The following CACNA1D variants were observed in gnomAD, a reference collection of about 807,000 sequenced individuals.
CACNA1D encodes the protein voltage-dependent L-type calcium channel subunit alpha-1D.
CACNA1D carries 55 observed loss-of-function variants against 257.1 expected under a neutral mutation model. That is an observed-to-expected ratio of 0.21 (90% CI 0.17 to 0.27). The LOEUF (loss-of-function observed/expected upper bound fraction) is 0.27, where lower values mean the gene tolerates loss of function less well. Ranked by LOEUF, CACNA1D falls within the 10% of genes least tolerant of loss-of-function variation. The probability of loss-of-function intolerance (pLI) is 1.00; values close to 1 mark genes in which losing one functional copy is unlikely to be tolerated. For synonymous variants in CACNA1D, 980 were observed against 1,014.9 expected (o/e 0.97, Z 0.65); for missense variants, 1,876 against 2,784.0 (o/e 0.67, Z 7.34).
chr3:53,761,939 C>A, intron 29 of CACNA1D, 59 bp from the exon 30 acceptor site: 1 of 1,207,206 alleles, frequency 8.3e-7, no homozygotes, highest in South Asian at 1.2e-5. Flanking sequence ...CCTATACGGT[C>A]CGTGTGGTGG....
intron 3 of CACNA1D, among the ~76,000 whole-genome samples, chr3:53,627,035 A>G (rs1409460587): frequency 1.3e-5 from 2 of 152,210 alleles, no homozygotes; most frequent in Non-Finnish European, 2.9e-5. Flanking sequence ...TTAACTGGGC[A>G]CAAGAGATGT....
At chr3:53,593,745 C>G (rs918194702) in intron 3 of CACNA1D, among the ~76,000 whole-genome samples, 1 of 152,138 alleles carries the variant, frequency 6.6e-6, no homozygotes, top group African/African-American at 2.4e-5. Flanking sequence ...GGGATTTTTT[C>G]CTTCTAAGCT....
Position 53,811,291 on chromosome 3 carries a change from A to G in CACNA1D, c.6371A>G (p.His2124Arg). Residue 2124 changes from histidine to arginine, a missense_variant, in exon 48 of 48, where the codon CAC becomes CGC. Transcript: ENST00000350061. This position sits in a 1 kb window ranked among gnomAD's most constrained non-coding sequence, Gnocchi z 4.2. ...AACGGGGATGTGGGCCCCCTCTCAC[A>G]CCGGCAGGACTATGAGCTACAGGAC... is the stretch of plus-strand genomic sequence containing the variant. ...RANGDVGPLS[H>R]RQDYELQDFG... is the part of the protein sequence containing the mutation. 1 of 1,613,724 alleles carries G rather than the reference A, an allele frequency of 6.2e-7. No homozygotes were observed. Among genetic ancestry groups the G allele is most frequent in the African/African-American group, 1.3e-5 (1 of 75,010 alleles).
intron 3 of CACNA1D, among the ~76,000 whole-genome samples, chr3:53,529,347 G>A (rs1000120247): frequency 2.0e-5 from 3 of 152,148 alleles, no homozygotes; most frequent in Non-Finnish European, 4.4e-5. Context: ...TTCCCAGGAC[G>A]CACCTCACTT....
At chr3:53,710,548 G>C (rs1303550548) in intron 9 of CACNA1D, 1 of 452,796 alleles carries the variant, frequency 2.2e-6, no homozygotes, top group Non-Finnish European at 4.5e-6. Flanking sequence ...CATAGGCATT[G>C]TGTGAAGTGC....
intron 7 of CACNA1D, among the ~76,000 whole-genome samples, chr3:53,669,607 T>C (rs1391850664): frequency 6.6e-6 from 1 of 152,200 alleles, no homozygotes; most frequent in African/African-American, 2.4e-5. Context: ...TTCTCACTAG[T>C]GTCTGGAAAA....
At chr3:53,503,399 A>G (rs1465309087) in intron 3 of CACNA1D, among the ~76,000 whole-genome samples, 1 of 152,252 alleles carries the variant, frequency 6.6e-6, no homozygotes, top group Non-Finnish European at 1.5e-5. Flanking sequence ...ATGGAGATAG[A>G]TCATCGTAGT....
chr3:53,518,151 G>T (rs2091417404), intron 3 of CACNA1D, among the ~76,000 whole-genome samples: 1 of 152,242 alleles, frequency 6.6e-6, no homozygotes, highest in Non-Finnish European at 1.5e-5. Context: ...AAGCTGGGGA[G>T]CTGGAATCAG....
Position 53,650,841 on chromosome 3 carries a change from G to C in CACNA1D, c.546G>C (p.Ala182=), listed in dbSNP as rs111366170. 2.2e-5 allele frequency: 36 copies of C among 1,609,382 alleles called. 2 individuals are homozygous for C. The African/African-American group carries it at 3.6e-4, about 16-fold the overall frequency. ...FTVETFLKII[A]YGLLLHPNAY... is the part of the protein sequence containing the mutation. The stretch of plus-strand genomic sequence containing the variant: ...TCGAGACATTTTTGAAGATTATAGC[G>C]TATGGATTATTGCTACATCCTAATG... The change falls in exon 4 of 48, where the codon GCG becomes GCC. Residue 182 remains alanine (A), a synonymous_variant. Transcript: ENST00000350061.
At position 53,718,883 on chromosome 3, in the gene CACNA1D, C is replaced by T. The variant is rs867257001; in HGVS notation, c.1478+495C>T. 28 of 735,254 alleles carry T rather than the reference C, an allele frequency of 3.8e-5. No individual in the cohort carries two copies. In the Middle Eastern group the frequency reaches 2.2e-3, roughly 58 times the overall value. 45.5% of individuals were successfully genotyped at this position (735,254 alleles called of 1,614,324 possible). Reference sequence around the variant, plus strand: ...GGGACCTTCCTAACCTCAGGCCTGGCGGTTGGATGACGAGGCCCTGCCTTC... The same window carrying T: ...GGGACCTTCCTAACCTCAGGCCTGGTGGTTGGATGACGAGGCCCTGCCTTC... On this transcript the variant is annotated intron_variant, in intron 10 of 47. Transcript: ENST00000350061.
rs17053164 is a variant in CACNA1D, at chr3:53,545,471, G to A, written c.483+43751G>A. Among the ~76,000 whole-genome samples the A allele has an allele frequency of 9.4e-3, 1,435 of 152,310 alleles. 80 individuals are homozygous for A. Among genetic ancestry groups the A allele is most frequent in the Admixed American group, 0.075 (1,150 of 15,302 alleles). The stretch of plus-strand genomic sequence containing the variant: ...TTGCCCTTGTCATGGAACTGAGCCC[G>A]AAGGAGGTTCTTAGAGGAGCGGGGT... On this transcript the variant is annotated intron_variant, in intron 3 of 47. Coordinates refer to ENST00000350061, the MANE Select transcript of CACNA1D (RefSeq NM_001128840.3).
At chr3:53,731,214 C>A in intron 17 of CACNA1D, 68 bp downstream of exon 17, 1 of 976,030 alleles carries the variant, frequency 1.0e-6, no homozygotes, top group East Asian at 2.4e-5. Flanking sequence ...ATACATGTAC[C>A]ATTTACACTG....
At chr3:53,762,967 G>A (rs1263752433) in intron 30 of CACNA1D, among the ~76,000 whole-genome samples, 1 of 152,242 alleles carries the variant, frequency 6.6e-6, no homozygotes. Flanking sequence ...AGTCATCCGA[G>A]TGCTATGTGC....
At chr3:53,657,830 A>G (rs978922806) in intron 4 of CACNA1D, among the ~76,000 whole-genome samples, 1 of 152,228 alleles carries the variant, frequency 6.6e-6, no homozygotes, top group Admixed American at 6.5e-5. Context: ...CCCAATAGTC[A>G]AGACATTAAG....
intron 45 of CACNA1D, among the ~76,000 whole-genome samples, chr3:53,807,191 A>G (rs1046567891): frequency 6.6e-6 from 1 of 152,112 alleles, no homozygotes; most frequent in Non-Finnish European, 1.5e-5. Flanking sequence ...AAAGCACCAC[A>G]TACAGGAGAG....
At chr3:53,683,638 T>C (rs1168194101) in intron 8 of CACNA1D, among the ~76,000 whole-genome samples, 1 of 152,140 alleles carries the variant, frequency 6.6e-6, no homozygotes, top group African/African-American at 2.4e-5. Flanking sequence ...TCAAAGACTT[T>C]GAAGTCACTA....
At chr3:53,602,372 C>T (rs1430871758) in intron 3 of CACNA1D, among the ~76,000 whole-genome samples, 1 of 152,164 alleles carries the variant, frequency 6.6e-6, no homozygotes, top group East Asian at 1.9e-4. Context: ...GGGCACTTAA[C>T]TTGATTCTGT....
At chr3:53,689,095 A>AGC (rs1479982886) in intron 8 of CACNA1D, among the ~76,000 whole-genome samples, 1 of 152,180 alleles carries the variant, frequency 6.6e-6, no homozygotes, top group East Asian at 1.9e-4. Flanking sequence ...ATGCCCTAGG[A>AGC]GCACAGCAGA....
chr3:53,732,894 G>T lies in CACNA1D; in HGVS notation c.2553G>T (p.Leu851Phe). 6.2e-7 allele frequency: 1 copy of T among 1,614,002 alleles called. No individual in the cohort carries two copies. Among genetic ancestry groups the T allele is most frequent in the Non-Finnish European group, 8.5e-7 (1 of 1,179,926 alleles). Residue 851 changes from leucine (L) to phenylalanine (F), a missense_variant, in exon 19 of 48, where the codon TTG (leucine) becomes TTT (phenylalanine). Transcript: ENST00000350061. ...AGPRPRRISE[L>F]NMKEKIAPIP... ...CCCGTCCTCGAAGGATCTCGGAGTT[G>T]AACATGAAGGAAAAAATTGCCCCCA... is the stretch of plus-strand genomic sequence containing the variant.
Sources: gnomAD v4.1 joint callset for allele counts (sites outside exome capture counted in the v4.1 genomes callset) on GRCh38, gnomAD v4.1.1 for gene constraint, Gnocchi (gnomAD v3.1) non-coding constraint, MANE v1.5 for transcripts, NCBI Gene and HGNC (gene_info 2026-07-23, HGNC 2026-07-21) for gene names.